CDH8: variants seen among roughly 807,000 people sequenced by gnomAD.
CDH8 encodes cadherin-8.
Under a neutral mutation model 68.1 loss-of-function variants are expected in CDH8, and 17 were observed. The observed-to-expected ratio is 0.25, with a 90% CI of 0.17 to 0.37. CDH8 has a LOEUF of 0.37. CDH8 is among the 10% of genes least tolerant of loss of function. The pLI is 1.00. For synonymous variants in CDH8, 372 were observed against 365.1 expected (o/e 1.02, Z -0.21); for missense variants, 763 against 999.3 (o/e 0.76, Z 3.19).
rs533591881 is a variant in CDH8, at chr16:61,715,584, C to T, written c.1537-1626G>A. Among the ~76,000 whole-genome samples the T allele has an allele frequency of 6.6e-5, 10 of 151,638 alleles. No individual in the cohort carries two copies. The South Asian group carries it at 1.7e-3, about 25-fold the overall frequency. On this transcript the variant is annotated intron_variant, in intron 9 of 11. Coordinates refer to ENST00000577390, the MANE Select transcript of CDH8 (RefSeq NM_001796.5). ...ATTATCATATTTATTAGGGCCATTG[C>T]TATTTATTGATGACCTGGCATTTTG...
At chr16:61,883,645 G>T (rs1453687146) in intron 3 of CDH8, among the ~76,000 whole-genome samples, 1 of 150,416 alleles carries the variant, frequency 6.6e-6, no homozygotes, top group Non-Finnish European at 1.5e-5. Context: ...CATATCCCAT[G>T]TAGGTTAATG....
chr16:61,907,036 C>A (rs1192246622), intron 2 of CDH8, among the ~76,000 whole-genome samples: 4 of 152,182 alleles, frequency 2.6e-5, no homozygotes, highest in Non-Finnish European at 4.4e-5. Flanking sequence ...CAGTATCATT[C>A]ATATCCTTCT....
At chr16:61,719,412 G>A (rs538898330) in intron 9 of CDH8, among the ~76,000 whole-genome samples, 1 of 151,090 alleles carries the variant, frequency 6.6e-6, no homozygotes, top group South Asian at 2.1e-4. Context: ...TACAACGCTA[G>A]GATTCCAGAA....
chr16:61,911,442 G>A (rs913050772), intron 2 of CDH8, among the ~76,000 whole-genome samples: 23 of 152,192 alleles, frequency 1.5e-4, no homozygotes, highest in Non-Finnish European at 2.1e-4. Context: ...TGTCTATCGC[G>A]AAAGATAGAT....
chr16:61,869,804 G>A (rs1357564687), intron 3 of CDH8, among the ~76,000 whole-genome samples: 3 of 152,124 alleles, frequency 2.0e-5, no homozygotes, highest in Non-Finnish European at 4.4e-5. Flanking sequence ...AGAAAATTCT[G>A]ACATTATTTA....
chr16:61,689,723 G>A (rs543529354), intron 10 of CDH8, among the ~76,000 whole-genome samples: 1 of 151,920 alleles, frequency 6.6e-6, no homozygotes, highest in African/African-American at 2.4e-5. Flanking sequence ...TTTTTCTTCA[G>A]TGATGATAAG....
At chr16:61,669,604 C>A (rs1963751068) in intron 10 of CDH8, among the ~76,000 whole-genome samples, 2 of 152,094 alleles carry the variant, frequency 1.3e-5, no homozygotes, top group African/African-American at 4.8e-5. Flanking sequence ...AGAAAACAGA[C>A]TCTAACTAGT....
At chr16:61,728,324 T>C (rs963407930) in intron 8 of CDH8, among the ~76,000 whole-genome samples, 2 of 150,844 alleles carry the variant, frequency 1.3e-5, no homozygotes, top group Non-Finnish European at 3.0e-5. Flanking sequence ...TGCTACAGAT[T>C]TACAGTTGGT....
intron 2 of CDH8, among the ~76,000 whole-genome samples, chr16:62,000,979 A>G (rs765619744): frequency 1.8e-4 from 27 of 152,192 alleles, no homozygotes; most frequent in Non-Finnish European, 2.8e-4. Flanking sequence ...TCTTTCTATC[A>G]ACTCATTTAA....
chr16:61,976,508 G>C (rs889165266), intron 2 of CDH8, among the ~76,000 whole-genome samples: 3 of 152,110 alleles, frequency 2.0e-5, no homozygotes, highest in Admixed American at 2.0e-4. Context: ...GGAGGGACCA[G>C]AGGCAGAGTT....
chr16:61,756,174 A>G (rs1052391160), intron 8 of CDH8, among the ~76,000 whole-genome samples: 2 of 152,064 alleles, frequency 1.3e-5, no homozygotes, highest in African/African-American at 4.8e-5. Context: ...AAACACTGAT[A>G]TTTTGTACAT....
intron 3 of CDH8, among the ~76,000 whole-genome samples, chr16:61,867,340 G>A (rs61654476): frequency 0.022 from 3,270 of 152,066 alleles, 110 homozygotes; most frequent in African/African-American, 0.073. Context: ...CAGAAACTGC[G>A]GTTAGAAGAT....
At chr16:61,874,189 A>T (rs539328869) in intron 3 of CDH8, among the ~76,000 whole-genome samples, 25 of 152,246 alleles carry the variant, frequency 1.6e-4, no homozygotes, top group African/African-American at 5.8e-4. Context: ...CCCACAAAAA[A>T]TTTTTTTAAA....
chr16:62,003,445 A>G (rs972687313), intron 2 of CDH8, among the ~76,000 whole-genome samples: 1 of 152,220 alleles, frequency 6.6e-6, no homozygotes, highest in Non-Finnish European at 1.5e-5. Flanking sequence ...ACAAGATGTT[A>G]TAGATTTAAT....
chr16:62,000,043 T>C (rs894796142), intron 2 of CDH8, among the ~76,000 whole-genome samples: 1 of 152,026 alleles, frequency 6.6e-6, no homozygotes, highest in African/African-American at 2.4e-5. Context: ...CTCCCACTTA[T>C]AAGTGAAAAC....
intron 10 of CDH8, among the ~76,000 whole-genome samples, chr16:61,697,824 G>C (rs1204929812): frequency 1.1e-4 from 17 of 152,196 alleles, no homozygotes. Context: ...CCACTCTGTA[G>C]AGAGAATGTG....
chr16:61,903,579 G>A (rs1046587043), intron 2 of CDH8, among the ~76,000 whole-genome samples: 1 of 152,168 alleles, frequency 6.6e-6, no homozygotes, highest in African/African-American at 2.4e-5. Context: ...CCAAAGTGCT[G>A]GGATTACAGG....
intron 8 of CDH8, among the ~76,000 whole-genome samples, chr16:61,751,402 A>AC (rs1246494196): frequency 1.3e-5 from 2 of 149,680 alleles, no homozygotes; most frequent in Non-Finnish European, 1.5e-5. Context: ...AAAAAAAAAA[A>AC]AAAAAAAAAC....
At chr16:61,766,042 T>C (rs1245799356) in intron 8 of CDH8, among the ~76,000 whole-genome samples, 2 of 151,970 alleles carry the variant, frequency 1.3e-5, no homozygotes, top group African/African-American at 4.8e-5. Flanking sequence ...GGGTTACATA[T>C]ATGAATTGTG....
Sources: gnomAD v4.1 joint callset for allele counts (sites outside exome capture counted in the v4.1 genomes callset) on GRCh38, gnomAD v4.1.1 for gene constraint, MANE v1.5 for transcripts, NCBI Gene and HGNC (gene_info 2026-07-23, HGNC 2026-07-21) for gene names.